Variants in CTNND2 observed in about 807,000 individuals in gnomAD.
The protein encoded by CTNND2 is catenin delta 2, also known as catenin delta-2.
CTNND2 carries 22 observed loss-of-function variants against 144.4 expected under a neutral mutation model. The ratio of observed to expected loss-of-function variants is 0.15; its 90% CI spans 0.11 to 0.22. The LOEUF is 0.22. CTNND2 is among the 10% of genes least tolerant of loss of function. CTNND2 has a pLI of 1.00. For missense variants in CTNND2, 1,353 were observed against 1,618.8 expected (o/e 0.84, Z 2.82); for synonymous variants, 751 against 695.6 (o/e 1.08, Z -1.25).
chr5:11,509,992 C>T (rs572208358), intron 3 of CTNND2, among the ~76,000 whole-genome samples: 11 of 152,152 alleles, frequency 7.2e-5, no homozygotes, highest in African/African-American at 2.4e-4. Context: ...AGGACAATGG[C>T]GCAATCACAG....
intron 3 of CTNND2, among the ~76,000 whole-genome samples, chr5:11,444,904 G>A (rs1165080934): frequency 5.9e-5 from 9 of 152,124 alleles, no homozygotes; most frequent in African/African-American, 1.4e-4. Context: ...TCAGGGCAGC[G>A]TAGCCATGAG....
intron 16 of CTNND2, among the ~76,000 whole-genome samples, chr5:11,080,821 A>C (rs1219893457): frequency 6.6e-6 from 1 of 152,186 alleles, no homozygotes; most frequent in Non-Finnish European, 1.5e-5. Flanking sequence ...CATGCCTGTA[A>C]TTCCAGCACT....
At chr5:11,416,136 G>C (rs991563626) in intron 3 of CTNND2, among the ~76,000 whole-genome samples, 1 of 152,186 alleles carries the variant, frequency 6.6e-6, no homozygotes, top group African/African-American at 2.4e-5. Flanking sequence ...GAAAATGTCC[G>C]GGGTAACCCT....
At chr5:11,078,827 A>C (rs1172979983) in intron 16 of CTNND2, among the ~76,000 whole-genome samples, 1 of 148,278 alleles carries the variant, frequency 6.7e-6, no homozygotes, top group Non-Finnish European at 1.5e-5. Flanking sequence ...GGAGCTAACG[A>C]CCTACTTTAG....
At chr5:11,617,403 T>G (rs1780630222) in intron 2 of CTNND2, among the ~76,000 whole-genome samples, 1 of 152,238 alleles carries the variant, frequency 6.6e-6, no homozygotes, top group Non-Finnish European at 1.5e-5. Flanking sequence ...TGTCATAGTT[T>G]CTAGATCTGG....
intron 16 of CTNND2, among the ~76,000 whole-genome samples, chr5:11,066,898 T>C (rs1000780759): frequency 6.6e-6 from 1 of 152,182 alleles, no homozygotes; most frequent in African/African-American, 2.4e-5. Context: ...TATGTTTCCT[T>C]AGTTCAGCAG....
At chr5:11,063,000 T>C (rs1747170131) in intron 16 of CTNND2, among the ~76,000 whole-genome samples, 1 of 152,228 alleles carries the variant, frequency 6.6e-6, no homozygotes, top group Non-Finnish European at 1.5e-5. Context: ...CAGTTTCCAG[T>C]TCTTTACCTT....
intron 9 of CTNND2, among the ~76,000 whole-genome samples, chr5:11,344,040 CA>C (rs1420320866): frequency 6.6e-6 from 1 of 152,124 alleles, no homozygotes; most frequent in Non-Finnish European, 1.5e-5. Context: ...AGGGAAAATG[CA>C]AAAATCTTGT....
At chr5:11,208,362 C>T (rs1338958374) in intron 10 of CTNND2, among the ~76,000 whole-genome samples, 1 of 151,908 alleles carries the variant, frequency 6.6e-6, no homozygotes, top group Non-Finnish European at 1.5e-5. Context: ...TAAAGTTCAT[C>T]TGGAAGAATG....
chr5:11,384,530 CG>C lies in CTNND2; in HGVS notation c.1177+134del. On this transcript the variant is annotated intron_variant, in intron 7 of 21. Coordinates refer to ENST00000304623, the MANE Select transcript of CTNND2 (RefSeq NM_001332.4). This position sits in a 1 kb window ranked among gnomAD's most constrained non-coding sequence, Gnocchi z 5.2. ...CTGACTTGTTCCAGGAAAGCCCTGG[CG>C]TTCTCTGTCTCCTGCAACTACTACA... 1 of 732,766 alleles carries C rather than the reference CG, an allele frequency of 1.4e-6. No individual in the cohort carries two copies. The highest frequency in any genetic ancestry group is 2.2e-6 in the Non-Finnish European group (1 of 458,424). The allele number at this position is 732,766 out of a possible 1,614,324, so 45.4% of individuals were successfully genotyped here. A position where few individuals can be genotyped will look rare whatever the true frequency, so the allele number is the denominator to read the frequency against.
At chr5:11,150,535 C>T (rs1052732040) in intron 12 of CTNND2, among the ~76,000 whole-genome samples, 3 of 150,894 alleles carry the variant, frequency 2.0e-5, no homozygotes, top group Admixed American at 6.6e-5. Flanking sequence ...TGTGGAGAAG[C>T]GCAGTGCAGC....
chr5:11,012,939 G>A (rs1741238868), intron 18 of CTNND2, among the ~76,000 whole-genome samples: 3 of 152,324 alleles, frequency 2.0e-5, no homozygotes, highest in South Asian at 2.1e-4. Context: ...GCATGGTGAA[G>A]GCTGTGGAAA....
chr5:11,804,309 A>C (rs1288270564), intron 1 of CTNND2, among the ~76,000 whole-genome samples: 2 of 152,178 alleles, frequency 1.3e-5, no homozygotes, highest in Non-Finnish European at 2.9e-5. Flanking sequence ...TTTAGTATAC[A>C]ACTAAATATA....
At chr5:11,223,576 C>T (rs1025823932) in intron 10 of CTNND2, among the ~76,000 whole-genome samples, 1 of 152,164 alleles carries the variant, frequency 6.6e-6, no homozygotes, top group African/African-American at 2.4e-5. Context: ...GAGATTAGCT[C>T]TTCTATCAAG....
intron 3 of CTNND2, among the ~76,000 whole-genome samples, chr5:11,506,426 C>A (rs897375269): frequency 2.8e-4 from 43 of 152,176 alleles, no homozygotes; most frequent in African/African-American, 8.7e-4. Context: ...AATCCTTCAA[C>A]ACAGGTCAGA....
intron 3 of CTNND2, among the ~76,000 whole-genome samples, chr5:11,492,179 C>T (rs1220208215): frequency 6.6e-6 from 1 of 152,168 alleles, no homozygotes; most frequent in Non-Finnish European, 1.5e-5. Flanking sequence ...TTCACATGAA[C>T]TCTGCAACTA....
chr5:11,307,045 C>A (rs1219851124), intron 9 of CTNND2, among the ~76,000 whole-genome samples: 1 of 151,742 alleles, frequency 6.6e-6, no homozygotes, highest in Non-Finnish European at 1.5e-5. Context: ...GAGTGGCCCC[C>A]TGAGGTGGCC....
chr5:11,495,470 T>C (rs538483058), intron 3 of CTNND2, among the ~76,000 whole-genome samples: 10 of 152,324 alleles, frequency 6.6e-5, no homozygotes, highest in African/African-American at 2.2e-4. Context: ...AAGCTAACTA[T>C]GTGAGCCACA....
intron 8 of CTNND2, among the ~76,000 whole-genome samples, chr5:11,353,514 T>C (rs751949205): frequency 6.6e-6 from 1 of 152,208 alleles, no homozygotes; most frequent in Non-Finnish European, 1.5e-5. Flanking sequence ...TCCATCATAA[T>C]ATTCCTAGGG....
Sources: allele counts gnomAD v4.1 joint callset (sites outside exome capture counted in the v4.1 genomes callset), GRCh38; gene constraint gnomAD v4.1.1; non-coding constraint Gnocchi (gnomAD v3.1); transcripts MANE v1.5; gene names NCBI Gene and HGNC (gene_info 2026-07-23, HGNC 2026-07-21).